The following CCDC102B variants were observed in gnomAD, a reference collection of about 807,000 sequenced individuals.
CCDC102B encodes the protein coiled-coil domain containing 102B.
Under a neutral mutation model 57.4 loss-of-function variants are expected in CCDC102B, and 75 were observed. That is an observed-to-expected ratio of 1.31 (90% CI 1.08 to 1.58). The LOEUF (loss-of-function observed/expected upper bound fraction) is 1.58. Among genes scored for constraint, CCDC102B ranks in the 40% most tolerant of loss-of-function variants. The pLI, the probability that CCDC102B is intolerant of heterozygous loss-of-function variation, is 0.00. For missense variants in CCDC102B, 636 were observed against 582.6 expected, an observed-to-expected ratio of 1.09 and a Z score of -0.94; for synonymous variants, 206 against 201.9, an observed-to-expected ratio of 1.02 and a Z score of -0.17.
chr18:68,762,182 C>T (rs1223372786), intron 2 of CCDC102B, among the ~76,000 whole-genome samples: 2 of 152,026 alleles, frequency 1.3e-5, no homozygotes, highest in African/African-American at 4.8e-5. Flanking sequence ...AACTGTGTGC[C>T]ATCATGGGTA....
intron 2 of CCDC102B, among the ~76,000 whole-genome samples, chr18:68,719,934 A>C (rs1299592422): frequency 6.6e-6 from 1 of 152,208 alleles, no homozygotes; most frequent in Non-Finnish European, 1.5e-5. Context: ...ATAAAATATC[A>C]AACCAAATCT....
intron 2 of CCDC102B, among the ~76,000 whole-genome samples, chr18:68,738,216 T>C (rs1568225256): frequency 1.3e-5 from 2 of 152,136 alleles, no homozygotes; most frequent in African/African-American, 4.8e-5. Context: ...TCCATTGCTA[T>C]AAAGTGGGTA....
At position 68,857,231 on chromosome 18, in the gene CCDC102B, T is replaced by A. The variant is rs189623660; in HGVS notation, c.936+10810T>A. Among the ~76,000 whole-genome samples, 471 of 61,936 alleles carry A rather than the reference T, an allele frequency of 7.6e-3. 86 individuals are homozygous for A. The highest frequency in any genetic ancestry group is 0.024 in the African/African-American group (396 of 16,622). 40.6% of individuals were successfully genotyped at this position (61,936 alleles called of 152,430 possible). A position where few individuals can be genotyped will look rare whatever the true frequency, so the allele number is the denominator to read the frequency against. On this transcript the variant is annotated intron_variant, in intron 4 of 7. Transcript: ENST00000360242. ...ATATAAAAATATATTTATATATTTTTATATATAAATATATATTTATTATTT... is the reference window on the plus strand; with the variant it reads ...ATATAAAAATATATTTATATATTTTAATATATAAATATATATTTATTATTT...
chr18:68,915,774 G>A (rs970099493), intron 6 of CCDC102B, among the ~76,000 whole-genome samples: 1 of 152,056 alleles, frequency 6.6e-6, no homozygotes, highest in African/African-American at 2.4e-5. Context: ...TTGCTTATTA[G>A]CATGTAACCC....
chr18:69,040,870 T>A (rs1383998793), intron 7 of CCDC102B, among the ~76,000 whole-genome samples: 3 of 152,034 alleles, frequency 2.0e-5, no homozygotes, highest in African/African-American at 7.2e-5. Context: ...TCTCTTACCA[T>A]TTTGAATCTA....
At chr18:68,897,683 G>A in intron 6 of CCDC102B, 1 of 1,343,620 alleles carries the variant, frequency 7.4e-7, no homozygotes, top group Non-Finnish European at 9.9e-7. Context: ...GAAAAATGAA[G>A]TAAGAAATAG....
intron 4 of CCDC102B, among the ~76,000 whole-genome samples, chr18:68,867,787 A>ATGCG (rs1568299893): frequency 2.6e-5 from 1 of 38,318 alleles, no homozygotes; most frequent in Non-Finnish European, 5.1e-5. Flanking sequence ...ACAAAAAATT[A>ATGCG]GTCAGGAGTG....
At chr18:68,860,530 C>A (rs1278022413) in intron 4 of CCDC102B, among the ~76,000 whole-genome samples, 5 of 124,812 alleles carry the variant, frequency 4.0e-5, no homozygotes, top group African/African-American at 1.4e-4. Flanking sequence ...ACCCCTTTCC[C>A]TCCCTACACC....
At chr18:68,742,984 C>A (rs1192202764) in intron 2 of CCDC102B, among the ~76,000 whole-genome samples, 1 of 152,084 alleles carries the variant, frequency 6.6e-6, no homozygotes, top group African/African-American at 2.4e-5. Context: ...TGTTTAAATT[C>A]TGACCCTTAG....
At chr18:68,912,301 T>C (rs776743429) in intron 6 of CCDC102B, among the ~76,000 whole-genome samples, 12 of 152,256 alleles carry the variant, frequency 7.9e-5, no homozygotes, top group Non-Finnish European at 1.8e-4. Context: ...AAGTACTGTT[T>C]TAGACAGTTA....
At chr18:68,891,453 G>A (rs1021451273) in intron 5 of CCDC102B, among the ~76,000 whole-genome samples, 1 of 152,174 alleles carries the variant, frequency 6.6e-6, no homozygotes, top group African/African-American at 2.4e-5. Context: ...ATTTGTATAA[G>A]CTGCAGAGCT....
intron 1 of CCDC102B, chr18:68,715,716 A>G (rs960812702): frequency 7.2e-5 from 11 of 152,200 alleles, no homozygotes; most frequent in African/African-American, 2.4e-4. Context: ...GAACTAGATA[A>G]AGTAGTATGA....
chr18:68,826,350 AGAAG>A lies in CCDC102B; in HGVS notation c.-15-10398_-15-10395del, dbSNP rs200474559. The stretch of plus-strand genomic sequence containing the variant: ...ATTTAGTTTCTGGGAGCTGGTGGCC[AGAAG>A]CCTTCCTCATTTCCTTGCCACGTGG... On this transcript the variant is annotated intron_variant, in intron 1 of 7. Coordinates refer to ENST00000360242, the MANE Select transcript of CCDC102B (RefSeq NM_024781.3). Among the ~76,000 whole-genome samples the A allele has an allele frequency of 9.3e-3, 1,415 of 152,332 alleles. 26 individuals carry two copies. The highest frequency in any genetic ancestry group is 0.032 in the African/African-American group (1,340 of 41,576).
chr18:68,852,426 A>C (rs2038170354), intron 4 of CCDC102B, among the ~76,000 whole-genome samples: 1 of 152,200 alleles, frequency 6.6e-6, no homozygotes, highest in Non-Finnish European at 1.5e-5. Flanking sequence ...ATAAAATGGC[A>C]TAGTGTTTTC....
intron 2 of CCDC102B, among the ~76,000 whole-genome samples, chr18:68,790,204 T>G (rs372996248): frequency 3.4e-5 from 5 of 148,100 alleles, no homozygotes; most frequent in Non-Finnish European, 4.4e-5. Flanking sequence ...TCTCCAGCTG[T>G]GTGCTGGGAG....
intron 7 of CCDC102B, among the ~76,000 whole-genome samples, chr18:69,041,841 G>A (rs1383185770): frequency 6.6e-6 from 1 of 152,000 alleles, no homozygotes; most frequent in Non-Finnish European, 1.5e-5. Flanking sequence ...TCTTCTAGTT[G>A]TGATGTTATT....
chr18:69,040,642 T>C (rs2052412763), intron 7 of CCDC102B, among the ~76,000 whole-genome samples: 1 of 152,012 alleles, frequency 6.6e-6, no homozygotes, highest in African/African-American at 2.4e-5. Context: ...TATCTGTTGA[T>C]TTTATCACTC....
At chr18:68,971,721 T>C (rs868852267) in intron 6 of CCDC102B, among the ~76,000 whole-genome samples, 3 of 152,142 alleles carry the variant, frequency 2.0e-5, no homozygotes, top group Non-Finnish European at 2.9e-5. Flanking sequence ...TCCTTCCCCA[T>C]TTGGAGTGAG....
intron 7 of CCDC102B, among the ~76,000 whole-genome samples, chr18:69,014,319 C>T (rs2051601138): frequency 6.6e-6 from 1 of 152,130 alleles, no homozygotes; most frequent in Non-Finnish European, 1.5e-5. Context: ...GAATATTCTC[C>T]AATGGCAAAT....
Sources: allele counts gnomAD v4.1 joint callset (sites outside exome capture counted in the v4.1 genomes callset), GRCh38; gene constraint gnomAD v4.1.1; transcripts MANE v1.5; gene names NCBI Gene and HGNC (gene_info 2026-07-23, HGNC 2026-07-21).